The following GSK3B variants were observed in gnomAD, a reference collection of about 807,000 sequenced individuals.
GSK3B encodes the protein glycogen synthase kinase-3 beta.
Under a neutral mutation model 56.4 loss-of-function variants are expected in GSK3B, and 15 were observed. That is an observed-to-expected ratio of 0.27 (90% CI 0.18 to 0.41). GSK3B has a LOEUF of 0.41. GSK3B is among the 10% of genes least tolerant of loss of function. GSK3B has a pLI of 1.00. For missense variants in GSK3B, 300 were observed against 513.4 expected, an observed-to-expected ratio of 0.58 and a Z score of 4.02; for synonymous variants, 181 against 188.9, an observed-to-expected ratio of 0.96 and a Z score of 0.34.
At chr3:119,894,891 A>G (rs2056545299) in intron 7 of GSK3B, among the ~76,000 whole-genome samples, 1 of 152,068 alleles carries the variant, frequency 6.6e-6, no homozygotes, top group Non-Finnish European at 1.5e-5. Flanking sequence ...TAGGTCTTTG[A>G]TTCATTCTGA....
chr3:120,029,815 T>C lies in GSK3B; in HGVS notation c.89-27576A>G, dbSNP rs1474284960. The C allele has an allele frequency of 7.2e-6, 4 of 552,922 alleles. No homozygotes were observed. The East Asian group carries it at 2.0e-4, about 27-fold the overall frequency. 34.3% of individuals were successfully genotyped at this position (552,922 alleles called of 1,614,324 possible). ...AAGAACAGGGAGCTTCTAGTGAAAATCTGGCACGAAATGAGGACTAATGGC... is the reference window on the plus strand; with the variant it reads ...AAGAACAGGGAGCTTCTAGTGAAAACCTGGCACGAAATGAGGACTAATGGC... On this transcript the variant is annotated intron_variant, in intron 1 of 10. Transcript: ENST00000264235.
intron 1 of GSK3B, among the ~76,000 whole-genome samples, chr3:120,062,623 A>G (rs1013967775): frequency 2.0e-5 from 3 of 152,252 alleles, no homozygotes; most frequent in Non-Finnish European, 4.4e-5. Flanking sequence ...TAATTTATAT[A>G]GTAAAACGTA....
In GSK3B at chr3:119,904,594, G is replaced by A. The variant is rs1292727971; in HGVS notation, c.813+1161C>T. The stretch of plus-strand genomic sequence containing the variant: ...CCTATTTTTATAGAATGAAGTACAA[G>A]GATTTGAAAAGAACTTGATCACAGT... On this transcript the variant is annotated intron_variant, in intron 7 of 10. Transcript: ENST00000264235. Among the ~76,000 whole-genome samples, 11 of 152,008 alleles carry A rather than the reference G, an allele frequency of 7.2e-5. No individual in the cohort carries two copies. In the East Asian group the frequency reaches 1.9e-3, roughly 27 times the overall value.
Position 119,971,215 on chromosome 3 carries a change from T to A in GSK3B, c.283-23864A>T, listed in dbSNP as rs141776729. Among the ~76,000 whole-genome samples, 7 of 152,228 alleles carry A rather than the reference T, an allele frequency of 4.6e-5. No individual in the cohort carries two copies. In the South Asian group the frequency reaches 6.2e-4, roughly 14 times the overall value. On this transcript the variant is annotated intron_variant, in intron 2 of 10. Transcript: ENST00000264235. ...AGGTTTTACTTATAGTTTCTCCCCA[T>A]CCCCATCCAAATTTTAAAACATAAA...
In GSK3B at chr3:119,826,676, A is replaced by G; in HGVS notation, c.*112T>C. 1.3e-6 allele frequency: 1 copy of G among 760,562 alleles called. No homozygotes were observed. 47.1% of individuals were successfully genotyped at this position (760,562 alleles called of 1,614,324 possible). On this transcript the variant is annotated 3_prime_UTR_variant, in exon 11 of 11. Coordinates refer to ENST00000264235, the MANE Select transcript of GSK3B (RefSeq NM_001146156.2). The stretch of plus-strand genomic sequence containing the variant: ...AATAATAAAAAAATTGAACACTAAA[A>G]TGAACAGGATTTTTTTCTCTTTTTA...
chr3:119,919,815 T>C (rs1447854396), intron 4 of GSK3B, among the ~76,000 whole-genome samples: 1 of 151,712 alleles, frequency 6.6e-6, no homozygotes, highest in African/African-American at 2.4e-5. Flanking sequence ...TACAGCCACA[T>C]GATGAAGTAA....
At chr3:119,918,653 T>G (rs1210792623) in intron 4 of GSK3B, among the ~76,000 whole-genome samples, 2 of 152,206 alleles carry the variant, frequency 1.3e-5, no homozygotes, top group African/African-American at 4.8e-5. Flanking sequence ...TTTGTTTAGT[T>G]AATTCTTGCA....
At chr3:119,890,439 G>T (rs1164312781) in intron 7 of GSK3B, among the ~76,000 whole-genome samples, 1 of 152,114 alleles carries the variant, frequency 6.6e-6, no homozygotes, top group Non-Finnish European at 1.5e-5. Context: ...TGTAGTGACA[G>T]AAAATAGATC....
chr3:120,086,052 A>T (rs566855463), intron 1 of GSK3B, among the ~76,000 whole-genome samples: 2 of 152,212 alleles, frequency 1.3e-5, no homozygotes, highest in Non-Finnish European at 2.9e-5. Context: ...CCATAAATGT[A>T]TCTAGAAAAG....
intron 1 of GSK3B, among the ~76,000 whole-genome samples, chr3:120,023,246 T>C (rs920939594): frequency 3.3e-5 from 5 of 151,130 alleles, no homozygotes; most frequent in Non-Finnish European, 5.9e-5. Flanking sequence ...TTAAAAGGGT[T>C]TGATGTGAAT....
chr3:119,955,134 A>C (rs1337950648), intron 2 of GSK3B, among the ~76,000 whole-genome samples: 3 of 151,964 alleles, frequency 2.0e-5, no homozygotes, highest in Admixed American at 6.6e-5. Flanking sequence ...CCAAAGTTGC[A>C]TTATCCATCC....
At chr3:120,049,186 G>T (rs914811791) in intron 1 of GSK3B, among the ~76,000 whole-genome samples, 4 of 152,142 alleles carry the variant, frequency 2.6e-5, no homozygotes, top group African/African-American at 9.7e-5. Context: ...TACAATCAGA[G>T]AATGTAAAAA....
intron 1 of GSK3B, among the ~76,000 whole-genome samples, chr3:120,023,392 A>G (rs2057896216): frequency 6.6e-6 from 1 of 151,294 alleles, no homozygotes; most frequent in Admixed American, 6.6e-5. Context: ...AGTTAACTAC[A>G]AAACAAAAAT....
intron 1 of GSK3B, among the ~76,000 whole-genome samples, chr3:120,083,481 A>G (rs891581888): frequency 6.6e-6 from 1 of 152,160 alleles, no homozygotes; most frequent in Non-Finnish European, 1.5e-5. Flanking sequence ...GGAAGAATTG[A>G]GATTATAATT....
At chr3:119,973,804 G>A (rs1336558070) in intron 2 of GSK3B, among the ~76,000 whole-genome samples, 1 of 152,098 alleles carries the variant, frequency 6.6e-6, no homozygotes, top group Non-Finnish European at 1.5e-5. Context: ...GGTACATATA[G>A]GATTCGGTAC....
At chr3:119,935,669 T>C (rs1315341927) in intron 3 of GSK3B, among the ~76,000 whole-genome samples, 1 of 152,188 alleles carries the variant, frequency 6.6e-6, no homozygotes, top group African/African-American at 2.4e-5. Flanking sequence ...TAGTTCCTAT[T>C]AATTGGTATT....
Position 119,836,211 on chromosome 3 carries a change from T to C in GSK3B, c.1195+7044A>G, listed in dbSNP as rs550481407. Among the ~76,000 whole-genome samples, 9 of 152,158 alleles carry C rather than the reference T, an allele frequency of 5.9e-5. No individual in the cohort carries two copies. The East Asian group carries it at 7.7e-4, about 13-fold the overall frequency. ...AAGGAGGCTAATAACTAACAAGAAA[T>C]AGAAAAGCATAAACAAAATTTTGAT... On this transcript the variant is annotated intron_variant, in intron 10 of 10. Transcript: ENST00000264235.
chr3:120,011,199 C>A (rs561197410), intron 1 of GSK3B, among the ~76,000 whole-genome samples: 8 of 152,178 alleles, frequency 5.3e-5, no homozygotes, highest in Non-Finnish European at 1.0e-4. Flanking sequence ...ATAAAGGAAA[C>A]AGGAGCCCCA....
intron 9 of GSK3B, among the ~76,000 whole-genome samples, chr3:119,857,891 A>G (rs932321416): frequency 6.6e-6 from 1 of 152,244 alleles, no homozygotes; most frequent in Admixed American, 6.5e-5. Flanking sequence ...CTGTGTCAGT[A>G]GGCATGAAAA....
Sources: allele counts gnomAD v4.1 joint callset (sites outside exome capture counted in the v4.1 genomes callset), GRCh38; gene constraint gnomAD v4.1.1; transcripts MANE v1.5; gene names NCBI Gene and HGNC (gene_info 2026-07-23, HGNC 2026-07-21).